The following PTK2 variants were observed in gnomAD, a reference collection of about 807,000 sequenced individuals.
PTK2 encodes focal adhesion kinase 1.
In PTK2, 45 loss-of-function variants were observed where a neutral mutation model predicts 150.1. The observed-to-expected ratio is 0.30, with a 90% CI of 0.24 to 0.38. The LOEUF is 0.38. Among genes scored for constraint, PTK2 ranks in the 10% least tolerant of loss-of-function variants. The pLI is 1.00. For missense variants in PTK2, 919 were observed against 1,307.3 expected, an observed-to-expected ratio of 0.70 and a Z score of 4.58; for synonymous variants, 432 against 449.2, an observed-to-expected ratio of 0.96 and a Z score of 0.48.
In PTK2 at chr8:140,846,694, TG is replaced by T; in HGVS notation, c.451-17del. The stretch of plus-strand genomic sequence containing the variant: ...CGCTCTTCACCTACAACAAAAGGAA[TG>T]GGAAAAACAACACTGTTTTAAAAGA... On this transcript the variant is annotated splice_polypyrimidine_tract_variant and intron_variant, in intron 5 of 31. Transcript: ENST00000522684. 6.3e-7 allele frequency: 1 copy of T among 1,581,704 alleles called. No individual in the cohort carries two copies. The highest frequency in any genetic ancestry group is 8.6e-7 in the Non-Finnish European group (1 of 1,159,594).
intron 10 of PTK2, among the ~76,000 whole-genome samples, chr8:140,817,562 C>T (rs1470710111): frequency 6.6e-6 from 1 of 152,208 alleles, no homozygotes; most frequent in African/African-American, 2.4e-5. Flanking sequence ...CCCACCCTCA[C>T]ACTGTTCTAC....
intron 1 of PTK2, among the ~76,000 whole-genome samples, chr8:140,933,937 C>T (rs954300835): frequency 3.3e-5 from 5 of 150,022 alleles, no homozygotes; most frequent in Admixed American, 2.7e-4. Context: ...GTGCCACACA[C>T]GAGGAAGATA....
intron 1 of PTK2, among the ~76,000 whole-genome samples, chr8:140,946,561 C>T (rs925529821): frequency 4.6e-5 from 7 of 152,154 alleles, no homozygotes; most frequent in African/African-American, 1.7e-4. Flanking sequence ...ATTTCCGTTG[C>T]TTCTGGGAAG....
intron 4 of PTK2, among the ~76,000 whole-genome samples, chr8:140,874,218 T>C (rs534934945): frequency 6.6e-6 from 1 of 152,334 alleles, no homozygotes; most frequent in African/African-American, 2.4e-5. Flanking sequence ...ATACGTGTGC[T>C]GCAAGCTAGC....
intron 10 of PTK2, among the ~76,000 whole-genome samples, chr8:140,808,828 C>T (rs565286700): frequency 4.0e-5 from 6 of 150,686 alleles, no homozygotes; most frequent in South Asian, 2.1e-4. Context: ...CTCCACCTCC[C>T]GGGTTCAAGC....
At chr8:140,825,985 T>C (rs942893925) in intron 8 of PTK2, among the ~76,000 whole-genome samples, 4 of 152,226 alleles carry the variant, frequency 2.6e-5, no homozygotes, top group African/African-American at 9.6e-5. Context: ...GATTCCATTT[T>C]TGGCATAAAA....
chr8:140,796,284 C>T (rs995496250), intron 12 of PTK2, among the ~76,000 whole-genome samples: 2 of 152,168 alleles, frequency 1.3e-5, no homozygotes, highest in African/African-American at 4.8e-5. Flanking sequence ...AGCCAAACTG[C>T]AAGCCATCAC....
intron 5 of PTK2, among the ~76,000 whole-genome samples, chr8:140,854,032 A>G (rs974330343): frequency 2.0e-5 from 3 of 152,244 alleles, no homozygotes; most frequent in African/African-American, 4.8e-5. Context: ...AAGGTGACCA[A>G]TAAGAAATAA....
At chr8:140,668,399 G>A in exon 30 of PTK2, 1 of 1,612,926 alleles carries the variant, frequency 6.2e-7, no homozygotes, top group African/African-American at 1.3e-5. Flanking sequence ...GGCAGTAGGA[G>A]GGGGGCTGAT....
At chr8:140,792,064 A>T (rs1182057636) in intron 13 of PTK2, among the ~76,000 whole-genome samples, 2 of 152,230 alleles carry the variant, frequency 1.3e-5, no homozygotes, top group African/African-American at 4.8e-5. Flanking sequence ...CTGATTTAGT[A>T]GAAGTACACA....
chr8:140,722,548 G>A (rs910039349), intron 22 of PTK2, among the ~76,000 whole-genome samples: 6 of 152,302 alleles, frequency 3.9e-5, no homozygotes, highest in Middle Eastern at 3.4e-3. Flanking sequence ...GATTACAGAT[G>A]TGAGCCACCA....
chr8:140,989,108 C>G lies in PTK2; in HGVS notation c.-122+12017G>C, dbSNP rs1052302846. Among the ~76,000 whole-genome samples, 4 of 147,272 alleles carry G rather than the reference C, an allele frequency of 2.7e-5. No homozygotes were observed. The East Asian group carries it at 6.2e-4, about 23-fold the overall frequency. On this transcript the variant is annotated intron_variant, in intron 1 of 31. Transcript: ENST00000522684. ...AAAACACTTTTGAGGCTGGGCACAGCGGCTCACACTTGTAATTCCAACACT... is the reference window on the plus strand; with the variant it reads ...AAAACACTTTTGAGGCTGGGCACAGGGGCTCACACTTGTAATTCCAACACT...
chr8:140,877,344 A>G (rs377629110), intron 4 of PTK2, among the ~76,000 whole-genome samples: 1 of 152,096 alleles, frequency 6.6e-6, no homozygotes. Context: ...AACTTTCACT[A>G]ATCTTAAAAG....
intron 1 of PTK2, among the ~76,000 whole-genome samples, chr8:140,963,130 T>C (rs2100183972): frequency 6.6e-6 from 1 of 151,412 alleles, no homozygotes; most frequent in African/African-American, 2.4e-5. Context: ...CCTCTCCCTC[T>C]AATACAGCCT....
At chr8:140,794,170 T>C (rs1342758385) in intron 12 of PTK2, among the ~76,000 whole-genome samples, 1 of 152,224 alleles carries the variant, frequency 6.6e-6, no homozygotes, top group Non-Finnish European at 1.5e-5. Context: ...AGAATAATCT[T>C]CCCAAATTAC....
intron 23 of PTK2, among the ~76,000 whole-genome samples, chr8:140,709,308 T>C (rs2100035493): frequency 6.6e-6 from 1 of 152,132 alleles, no homozygotes; most frequent in Admixed American, 6.5e-5. Context: ...GGGTAGCAAA[T>C]GATAACACAA....
rs541977399 is a variant in PTK2, at chr8:140,842,232, A to G, written c.593+4028T>C. Among the ~76,000 whole-genome samples, 200 of 152,166 alleles carry G rather than the reference A, an allele frequency of 1.3e-3. 1 individual carries two copies. Among genetic ancestry groups the G allele is most frequent in the African/African-American group, 4.7e-3 (196 of 41,562 alleles). ...GACACTGTAGTTTCACTTTTTCTCT[A>G]ACTAGAATGTATTATTACCTTTGAA... On this transcript the variant is annotated intron_variant, in intron 7 of 31. Coordinates refer to ENST00000522684, the Ensembl canonical transcript of PTK2.
At chr8:140,962,860 T>C (rs1356831396) in intron 1 of PTK2, among the ~76,000 whole-genome samples, 7 of 151,350 alleles carry the variant, frequency 4.6e-5, no homozygotes, top group African/African-American at 1.5e-4. Context: ...ACAAACTTCC[T>C]GGCCCTTGTA....
chr8:140,838,276 T>C (rs964606411), intron 7 of PTK2, among the ~76,000 whole-genome samples: 1 of 152,176 alleles, frequency 6.6e-6, no homozygotes, highest in African/African-American at 2.4e-5. Context: ...CGAAGAAATA[T>C]AAATTTCTAA....
Sources: allele counts gnomAD v4.1 joint callset (sites outside exome capture counted in the v4.1 genomes callset), GRCh38; gene constraint gnomAD v4.1.1; transcripts MANE v1.5; gene names NCBI Gene and HGNC (gene_info 2026-07-23, HGNC 2026-07-21).